The following KIF26B variants were observed in gnomAD, a reference collection of about 807,000 sequenced individuals.
The protein encoded by KIF26B is kinesin-like protein KIF26B.
Under a neutral mutation model 151.2 loss-of-function variants are expected in KIF26B, and 63 were observed. The ratio of observed to expected loss-of-function variants is 0.42; its 90% CI spans 0.34 to 0.51. The LOEUF (loss-of-function observed/expected upper bound fraction) is 0.51. Among genes scored for constraint, KIF26B ranks in the 20% least tolerant of loss-of-function variants. The pLI, the probability that KIF26B is intolerant of heterozygous loss-of-function variation, is 0.07. For missense variants in KIF26B, 2,813 were observed against 2,913.6 expected (o/e 0.97, Z 0.79); for synonymous variants, 1,357 against 1,262.1 (o/e 1.08, Z -1.59).
intron 3 of KIF26B, among the ~76,000 whole-genome samples, chr1:245,407,242 G>A (rs954522844): frequency 1.3e-5 from 2 of 152,168 alleles, no homozygotes; most frequent in East Asian, 3.8e-4. Context: ...CCGGGGCAGG[G>A]TGGGGCCCTT....
At chr1:245,361,946 G>A (rs951043740) in intron 2 of KIF26B, among the ~76,000 whole-genome samples, 1 of 151,576 alleles carries the variant, frequency 6.6e-6, no homozygotes, top group Admixed American at 6.6e-5. Flanking sequence ...GCCATGGGTC[G>A]TGATTCCTTT....
intron 10 of KIF26B, among the ~76,000 whole-genome samples, chr1:245,671,719 C>T (rs964576755): frequency 6.6e-6 from 1 of 152,168 alleles, no homozygotes; most frequent in South Asian, 2.1e-4. Context: ...TCAGACTTTT[C>T]CCCTTGTTTT....
intron 2 of KIF26B, among the ~76,000 whole-genome samples, chr1:245,245,338 GAT>G (rs1198993118): frequency 6.6e-6 from 1 of 152,218 alleles, no homozygotes; most frequent in Non-Finnish European, 1.5e-5. Context: ...TGAGTCCCAA[GAT>G]GGGGAGTTTG....
In KIF26B at chr1:245,582,594, A is replaced by C. The variant is rs138203641; in HGVS notation, c.1351-19983A>C. On this transcript the variant is annotated intron_variant, in intron 5 of 14. Transcript: ENST00000407071. ...ATACAGTGTGGGGTCTGTTTTGTGC[A>C]CAATTTATATGCAATAGGCTGGGCT... is the stretch of plus-strand genomic sequence containing the variant. Among the ~76,000 whole-genome samples, 631 of 152,276 alleles carry C rather than the reference A, an allele frequency of 4.1e-3. 6 individuals carry two copies. Among genetic ancestry groups the C allele is most frequent in the African/African-American group, 0.014 (597 of 41,548 alleles).
chr1:245,652,832 G>A (rs6659876), intron 10 of KIF26B, among the ~76,000 whole-genome samples: 67,487 of 151,962 alleles, frequency 0.44, 16,118 homozygotes, highest in Middle Eastern at 0.6. Flanking sequence ...ATCTCTTGGC[G>A]GCAAAGCCAC....
chr1:245,658,307 CTGAT>C (rs55680569), intron 10 of KIF26B, among the ~76,000 whole-genome samples: 9,626 of 152,214 alleles, frequency 0.063, 328 homozygotes, highest in South Asian at 0.11. Context: ...TTTTTAAAAA[CTGAT>C]TGTTGAAGTT....
At chr1:245,505,155 C>A (rs936917451) in intron 4 of KIF26B, among the ~76,000 whole-genome samples, 11 of 151,532 alleles carry the variant, frequency 7.3e-5, no homozygotes, top group African/African-American at 2.2e-4. Context: ...CCAGGCTGTT[C>A]TCGAACTCAT....
At chr1:245,198,101 C>CGTTGAG (rs772019355) in intron 2 of KIF26B, among the ~76,000 whole-genome samples, 45 of 152,264 alleles carry the variant, frequency 3.0e-4, no homozygotes, top group Non-Finnish European at 6.2e-4. Flanking sequence ...AGCAGATACT[C>CGTTGAG]GTTGAGGGCT....
At chr1:245,694,951 G>A in intron 12 of KIF26B, among the ~76,000 whole-genome samples, 1 of 152,218 alleles carries the variant, frequency 6.6e-6, no homozygotes, top group East Asian at 1.9e-4. Context: ...GGCGTCAGCA[G>A]GAGGCTGGCC....
chr1:245,569,126 G>A (rs916710551), intron 5 of KIF26B, among the ~76,000 whole-genome samples: 38 of 152,172 alleles, frequency 2.5e-4, no homozygotes, highest in African/African-American at 6.8e-4. Flanking sequence ...ATTAGAGGAG[G>A]ATCTAGAGCC....
chr1:245,278,813 A>G (rs1357408377), intron 2 of KIF26B, among the ~76,000 whole-genome samples: 2 of 152,162 alleles, frequency 1.3e-5, no homozygotes, highest in Admixed American at 1.3e-4. Flanking sequence ...TAGCTTTTAG[A>G]AAGTTAGCTC....
Position 245,388,275 on chromosome 1 carries a change from C to T in KIF26B, c.999+20908C>T, listed in dbSNP as rs887784571. On this transcript the variant is annotated intron_variant, in intron 3 of 14. Coordinates refer to ENST00000407071, the MANE Select transcript of KIF26B (RefSeq NM_018012.4). ...ATTTACATGACCACTTTCTTTCTGA[C>T]GGATACTTCTTCCTGGATGGAAGGA... Among the ~76,000 whole-genome samples the T allele has an allele frequency of 3.9e-5, 6 of 151,986 alleles. No individual in the cohort carries two copies. In the East Asian group the frequency reaches 5.8e-4, roughly 15 times the overall value.
chr1:245,365,595 C>T (rs189085885), intron 2 of KIF26B, among the ~76,000 whole-genome samples: 21 of 151,580 alleles, frequency 1.4e-4, no homozygotes, highest in African/African-American at 5.1e-4. Context: ...AGTGAATTTC[C>T]GAAGGGCAGA....
intron 2 of KIF26B, among the ~76,000 whole-genome samples, chr1:245,272,079 AG>A (rs1381382832): frequency 1.3e-5 from 2 of 152,194 alleles, no homozygotes; most frequent in South Asian, 2.1e-4. Flanking sequence ...CAGTCTTGGT[AG>A]TTTGTATATC....
At chr1:245,491,406 T>A (rs1290329677) in intron 4 of KIF26B, among the ~76,000 whole-genome samples, 1 of 152,234 alleles carries the variant, frequency 6.6e-6, no homozygotes, top group Non-Finnish European at 1.5e-5. Flanking sequence ...TTGCCTGGGA[T>A]GTTCTGCCAT....
chr1:245,587,190 C>T (rs2043237247), intron 5 of KIF26B, among the ~76,000 whole-genome samples: 1 of 152,198 alleles, frequency 6.6e-6, no homozygotes, highest in Admixed American at 6.5e-5. Context: ...TCTTCTGAAC[C>T]TCATCCATGA....
rs34512630 is a variant in KIF26B, at chr1:245,246,882, C to CAG, written c.465+90200_465+90201insGA. On this transcript the variant is annotated intron_variant, in intron 2 of 14. Transcript: ENST00000407071. ...TAAGGGCAGAACACACACACACACA[C>CAG]ACACACACACAGACACACACACACA... is the stretch of plus-strand genomic sequence containing the variant. Among the ~76,000 whole-genome samples, 806 of 150,832 alleles carry CAG rather than the reference C, an allele frequency of 5.3e-3. 3 individuals carry two copies. The highest frequency in any genetic ancestry group is 9.0e-3 in the Non-Finnish European group (606 of 67,644).
chr1:245,506,464 C>T (rs115175762), intron 4 of KIF26B, among the ~76,000 whole-genome samples: 312 of 152,280 alleles, frequency 2.0e-3, no homozygotes, highest in Non-Finnish European at 2.7e-3. Flanking sequence ...AAAGCCATCG[C>T]TCTCTTAATC....
intron 2 of KIF26B, among the ~76,000 whole-genome samples, chr1:245,204,697 TC>T (rs1335235370): frequency 2.0e-5 from 3 of 152,168 alleles, no homozygotes; most frequent in African/African-American, 7.2e-5. Flanking sequence ...CTTAAATTTC[TC>T]TTATGGCTTC....
Sources: gnomAD v4.1 joint callset for allele counts (sites outside exome capture counted in the v4.1 genomes callset) on GRCh38, gnomAD v4.1.1 for gene constraint, MANE v1.5 for transcripts, NCBI Gene and HGNC (gene_info 2026-07-23, HGNC 2026-07-21) for gene names.